CNTRL: variants seen among roughly 807,000 people sequenced by gnomAD.
CNTRL encodes the protein 110 kDa centrosomal protein.
Under a neutral mutation model 303.7 loss-of-function variants are expected in CNTRL, and 233 were observed. That is an observed-to-expected ratio of 0.77 (90% CI 0.69 to 0.86). The LOEUF (loss-of-function observed/expected upper bound fraction) is 0.86. CNTRL is among the 40% of genes least tolerant of loss of function. CNTRL has a pLI of 0.00. For synonymous variants in CNTRL, 900 were observed against 922.2 expected, an observed-to-expected ratio of 0.98 and a Z score of 0.44; for missense variants, 2,524 against 2,650.6, an observed-to-expected ratio of 0.95 and a Z score of 1.05.
chr9:121,114,107 C>T (rs2049875071), intron 10 of CNTRL, among the ~76,000 whole-genome samples: 1 of 152,248 alleles, frequency 6.6e-6, no homozygotes, highest in Admixed American at 6.5e-5. Context: ...TTTGTATAAG[C>T]TGCAACAGAG....
Position 121,138,094 on chromosome 9 carries a change from C to T in CNTRL, c.2203-451C>T, listed in dbSNP as rs186777532. Among the ~76,000 whole-genome samples, 46 of 152,216 alleles carry T rather than the reference C, an allele frequency of 3.0e-4. 1 individual carries two copies. In the South Asian group the frequency reaches 5.2e-3, roughly 17 times the overall value. ...CTTGATAAATACAGATTCCTTGGCC[C>T]CACCCACTCTAGAGATTCTGATCCA... On this transcript the variant is annotated intron_variant, in intron 15 of 43. Coordinates refer to ENST00000373855, the MANE Select transcript of CNTRL (RefSeq NM_007018.6).
chr9:121,173,715 G>A lies in CNTRL; in HGVS notation c.6725G>A (p.Arg2242His), dbSNP rs569697393. 30 of 1,614,090 alleles carry A rather than the reference G, an allele frequency of 1.9e-5. No individual in the cohort carries two copies. The highest frequency in any genetic ancestry group is 1.3e-4 in the South Asian group (12 of 91,082). ...GGAGAAGCACTCCGGGAGAAACTGC[G>A]TCACCGGGAAGACCGACTCAAGGTT... is the stretch of plus-strand genomic sequence containing the variant. ...WRGEALREKL[R>H]HREDRLKAQL... The change falls in exon 42 of 44, where the codon CGT becomes CAT. Residue 2242 changes from arginine (R) to histidine (H), a missense_variant. Transcript: ENST00000373855.
chr9:121,090,187 G>GT (rs1165108952), intron 3 of CNTRL, 88 bp from the exon 4 acceptor site: 11 of 1,265,604 alleles, frequency 8.7e-6, no homozygotes, highest in Non-Finnish European at 1.2e-5. Flanking sequence ...CTTAATTTTT[G>GT]TTTTTGTTAC....
chr9:121,119,874 A>G (rs1324761848), intron 12 of CNTRL, among the ~76,000 whole-genome samples: 2 of 151,902 alleles, frequency 1.3e-5, no homozygotes, highest in African/African-American at 2.4e-5. Context: ...CCTTTTTGCA[A>G]ATTTTCCACT....
Position 121,160,266 on chromosome 9 carries a change from CAGGTTGTTTTA to C in CNTRL, c.5057_5067del (p.Val1686AlafsTer4). On this transcript the variant is annotated frameshift_variant, in exon 32 of 44. Coordinates refer to ENST00000373855, the MANE Select transcript of CNTRL (RefSeq NM_007018.6). LOFTEE classifies it high-confidence loss of function. ...AATTGAAAAAGAGGAAGAAAATCTTCAGGTTGTTTTAAGGCAGATGTCTAAACATAAAACCG... is the reference window on the plus strand; with the variant it reads ...AATTGAAAAAGAGGAAGAAAATCTTCAGGCAGATGTCTAAACATAAAACCG... The C allele has an allele frequency of 1.3e-6, 2 of 1,550,170 alleles. No homozygotes were observed. The highest frequency in any genetic ancestry group is 1.7e-6 in the Non-Finnish European group (2 of 1,155,368).
intron 23 of CNTRL, among the ~76,000 whole-genome samples, chr9:121,146,518 C>G (rs1421347767): frequency 6.6e-6 from 1 of 152,118 alleles, no homozygotes; most frequent in African/African-American, 2.4e-5. Context: ...GATTTGAGCC[C>G]AGAGAGCCTG....
At chr9:121,133,093 G>A (rs1251091608) in intron 14 of CNTRL, among the ~76,000 whole-genome samples, 1 of 152,232 alleles carries the variant, frequency 6.6e-6, no homozygotes, top group Non-Finnish European at 1.5e-5. Flanking sequence ...CTACACGGGG[G>A]TCAGGGACCC....
At chr9:121,153,059 T>C (rs527429233) in intron 26 of CNTRL, among the ~76,000 whole-genome samples, 2 of 152,316 alleles carry the variant, frequency 1.3e-5, no homozygotes. Context: ...TTTCCATTAC[T>C]CTCCTGTGCT....
At chr9:121,076,623 A>T (rs1253331839) in intron 1 of CNTRL, among the ~76,000 whole-genome samples, 2 of 152,062 alleles carry the variant, frequency 1.3e-5, no homozygotes, top group Non-Finnish European at 2.9e-5. Flanking sequence ...CCATAGAGAA[A>T]TGGGGGAGAC....
In CNTRL at chr9:121,151,042, G is replaced by A. The variant is rs370559150; in HGVS notation, c.3963+559G>A. Among the ~76,000 whole-genome samples, 65 of 152,290 alleles carry A rather than the reference G, an allele frequency of 4.3e-4. 1 individual carries two copies. The highest frequency in any genetic ancestry group is 1.5e-3 in the African/African-American group (61 of 41,566). On this transcript the variant is annotated intron_variant, in intron 25 of 43. Coordinates refer to ENST00000373855, the MANE Select transcript of CNTRL (RefSeq NM_007018.6). ...CAGCATACAGTAAGGTTTTGGTGGGGATTATCTCTAGGTAGGATTTATTTA... is the reference window on the plus strand; with the variant it reads ...CAGCATACAGTAAGGTTTTGGTGGGAATTATCTCTAGGTAGGATTTATTTA...
At chr9:121,093,415 G>A (rs1439244794) in intron 4 of CNTRL, among the ~76,000 whole-genome samples, 1 of 152,054 alleles carries the variant, frequency 6.6e-6, no homozygotes, top group Non-Finnish European at 1.5e-5. Flanking sequence ...TTTGGGTTTT[G>A]GATTTTTTGA....
At chr9:121,125,958 T>G in intron 14 of CNTRL, 22 bp downstream of exon 14, 1 of 1,593,900 alleles carries the variant, frequency 6.3e-7, no homozygotes, top group Non-Finnish European at 8.6e-7. Context: ...TTCCTGCCTA[T>G]TTTCCGTAGC....
At chr9:121,128,332 C>A (rs1236792791) in intron 14 of CNTRL, among the ~76,000 whole-genome samples, 1 of 152,198 alleles carries the variant, frequency 6.6e-6, no homozygotes, top group East Asian at 1.9e-4. Flanking sequence ...TTAATGATCA[C>A]CATTCTAACT....
intron 1 of CNTRL, among the ~76,000 whole-genome samples, chr9:121,078,173 G>A (rs567223654): frequency 6.6e-6 from 1 of 152,266 alleles, no homozygotes; most frequent in African/African-American, 2.4e-5. Flanking sequence ...TTGGGAGGCC[G>A]AGGTGGGTGG....
rs773789481 is a variant in CNTRL at position 121,150,351 on chromosome 9, C to T, written c.3831C>T (p.Thr1277=). ...PPLPNNSRPL[T]PGTVVYGPPP... ...TGCCAAACAATAGCCGACCTCTCAC[C>T]CCTGGCACTGTTGTTTATGGCCCAC... Residue 1277 remains threonine, a synonymous_variant, in exon 25 of 44, where the codon ACC becomes ACT. Coordinates refer to ENST00000373855, the MANE Select transcript of CNTRL (RefSeq NM_007018.6). 8 of 1,614,210 alleles carry T rather than the reference C, an allele frequency of 5.0e-6. No individual in the cohort carries two copies. The highest frequency in any genetic ancestry group is 6.8e-6 in the Non-Finnish European group (8 of 1,180,046).
At chr9:121,166,261 G>T in intron 36 of CNTRL, 81 bp downstream of exon 36, 1 of 966,188 alleles carries the variant, frequency 1.0e-6, no homozygotes, top group Non-Finnish European at 1.6e-6. Flanking sequence ...AAATCAAGTA[G>T]GCTGGTTCCT....
rs1287614548 is a variant in CNTRL at position 121,173,384 on chromosome 9, G to GA, written c.6561dup (p.Ala2188SerfsTer26). 1 of 1,614,052 alleles carries GA rather than the reference G, an allele frequency of 6.2e-7. No individual in the cohort carries two copies. Among genetic ancestry groups the GA allele is most frequent in the East Asian group, 2.2e-5 (1 of 44,894 alleles). Reference sequence around the variant, plus strand: ...TCTTCCAGAACTACCAGCAGATCTAGAAGCTATTTTGGAAAGAAACGAAAA... The same window carrying GA: ...TCTTCCAGAACTACCAGCAGATCTAGAAAGCTATTTTGGAAAGAAACGAAAA... On this transcript the variant is annotated frameshift_variant, in exon 41 of 44. Coordinates refer to ENST00000373855, the MANE Select transcript of CNTRL (RefSeq NM_007018.6). LOFTEE classifies it high-confidence loss of function.
chr9:121,103,424 C>T (rs1318287297), intron 7 of CNTRL, among the ~76,000 whole-genome samples: 4 of 152,082 alleles, frequency 2.6e-5, no homozygotes, highest in Non-Finnish European at 5.9e-5. Flanking sequence ...ACTTAAATGT[C>T]AGACCTAAAA....
At chr9:121,156,544 C>T (rs1227244233) in intron 27 of CNTRL, among the ~76,000 whole-genome samples, 1 of 152,172 alleles carries the variant, frequency 6.6e-6, no homozygotes, top group East Asian at 1.9e-4. Context: ...TCTCTGGGAG[C>T]TTGCCAACCC....
Sources: allele counts gnomAD v4.1 joint callset (sites outside exome capture counted in the v4.1 genomes callset), GRCh38; gene constraint gnomAD v4.1.1; transcripts MANE v1.5; gene names NCBI Gene and HGNC (gene_info 2026-07-23, HGNC 2026-07-21).